KCNQ1: variants seen among roughly 807,000 people sequenced by gnomAD.
KCNQ1 encodes potassium voltage-gated channel subfamily Q member 1.
KCNQ1 carries 49 observed loss-of-function variants against 72.4 expected under a neutral mutation model. The observed-to-expected ratio is 0.68, with a 90% CI of 0.54 to 0.86. KCNQ1 has a LOEUF of 0.86. Ranked by LOEUF, KCNQ1 falls within the 40% of genes least tolerant of loss-of-function variation. The pLI is 0.00. For synonymous variants in KCNQ1, 450 were observed against 412.6 expected, an observed-to-expected ratio of 1.09 and a Z score of -1.10; for missense variants, 790 against 945.1, an observed-to-expected ratio of 0.84 and a Z score of 2.15.
intron 11 of KCNQ1, among the ~76,000 whole-genome samples, chr11:2,761,423 T>C (rs1345165423): frequency 1.3e-5 from 2 of 152,160 alleles, no homozygotes; most frequent in Non-Finnish European, 2.9e-5. Flanking sequence ...GAGATCTTTA[T>C]AGGCACGGGA....
rs1846746573 is a variant in KCNQ1, at chr11:2,486,813, C to G, written c.387-41115C>G. ...ATCTTGCATGAACTCATTACCTAAT[C>G]ATGGGGAATCTGCCCCTATGACCCA... On this transcript the variant is annotated intron_variant, in intron 1 of 15. Transcript: ENST00000155840. The surrounding 1 kb of genome is among the most constrained non-coding windows in gnomAD (Gnocchi z 5.0). 6.6e-6 allele frequency among the ~76,000 whole-genome samples: 1 copy of G among 152,162 alleles called. No homozygotes were observed.
intron 1 of KCNQ1, among the ~76,000 whole-genome samples, chr11:2,524,459 C>T (rs1847459447): frequency 6.6e-6 from 1 of 152,316 alleles, no homozygotes; most frequent in East Asian, 1.9e-4. Context: ...AGTGATGTCA[C>T]AGTCTGGCAG....
intron 11 of KCNQ1, among the ~76,000 whole-genome samples, chr11:2,749,284 A>T (rs540396010): frequency 2.6e-5 from 4 of 151,766 alleles, no homozygotes; most frequent in South Asian, 4.2e-4. Flanking sequence ...TGGGGTTGAG[A>T]TTGGGAGACC....
At chr11:2,680,206 TAAAAAA>T (rs139249507) in intron 11 of KCNQ1, 5 of 362,324 alleles carry the variant, frequency 1.4e-5, no homozygotes, top group African/African-American at 4.9e-5. Flanking sequence ...CTTGCCTAAT[TAAAAAA>T]AAAAAAAAAA....
At chr11:2,716,873 A>G (rs1851102026) in intron 11 of KCNQ1, among the ~76,000 whole-genome samples, 1 of 152,210 alleles carries the variant, frequency 6.6e-6, no homozygotes, top group African/African-American at 2.4e-5. Context: ...TGCATCCTGA[A>G]TACTGGGTGA....
At chr11:2,805,722 G>A (rs546391783) in intron 15 of KCNQ1, among the ~76,000 whole-genome samples, 37 of 152,308 alleles carry the variant, frequency 2.4e-4, no homozygotes, top group African/African-American at 8.4e-4. Flanking sequence ...GTGAAGAGAC[G>A]CAAGATGCAG....
chr11:2,845,249 G>T (rs998316286), intron 15 of KCNQ1, among the ~76,000 whole-genome samples: 46 of 152,238 alleles, frequency 3.0e-4, no homozygotes, highest in African/African-American at 1.1e-3. Context: ...CTCCCTACCT[G>T]ACACACTGTG....
Position 2,507,214 on chromosome 11 carries a change from TTGCTCTTG to T in KCNQ1, c.387-20710_387-20703del, listed in dbSNP as rs1446524313. ...ATTTAGCTCCTTGTCCGTTTGGAGTTTGCTCTTGTGCATGATCTAAGGTAATCTTTTCT... is the reference window on the plus strand; with the variant it reads ...ATTTAGCTCCTTGTCCGTTTGGAGTTTGCATGATCTAAGGTAATCTTTTCT... On this transcript the variant is annotated intron_variant, in intron 1 of 15. Transcript: ENST00000155840. The surrounding 1 kb of genome is among the most constrained non-coding windows in gnomAD (Gnocchi z 5.4). Among the ~76,000 whole-genome samples, 1 of 152,206 alleles carries T rather than the reference TTGCTCTTG, an allele frequency of 6.6e-6. No homozygotes were observed. The highest frequency in any genetic ancestry group is 1.9e-4 in the East Asian group (1 of 5,206).
intron 2 of KCNQ1, among the ~76,000 whole-genome samples, chr11:2,558,498 C>T (rs141973139): frequency 1.2e-3 from 179 of 152,320 alleles, no homozygotes; most frequent in Non-Finnish European, 1.9e-3. Flanking sequence ...ACTAGATGGG[C>T]CAGCCTGTGG....
rs1377402738 is a variant in KCNQ1 at position 2,716,087 on chromosome 11, G to T, written c.1515-52757G>T. Among the ~76,000 whole-genome samples the T allele has an allele frequency of 2.0e-5, 3 of 152,314 alleles. No individual in the cohort carries two copies. The South Asian group carries it at 6.2e-4, about 32-fold the overall frequency. On this transcript the variant is annotated intron_variant, in intron 11 of 15. Coordinates refer to ENST00000155840, the MANE Select transcript of KCNQ1 (RefSeq NM_000218.3). ...TGCAGAGCACTGACCCCACCGCCGG[G>T]GTCGGAGCCCCTATTCCTAGCCTCC...
chr11:2,536,718 T>C lies in KCNQ1; in HGVS notation c.477+8700T>C, dbSNP rs1847737489. Among the ~76,000 whole-genome samples the C allele has an allele frequency of 6.6e-6, 1 of 152,110 alleles. No homozygotes were observed. The highest frequency in any genetic ancestry group is 6.5e-5 in the Admixed American group (1 of 15,292). ...CCTGCCAGAGGGACCGCTGGGCCTATCTCCAGCCACGTGGGTCGCGAGAGT... is the reference window on the plus strand; with the variant it reads ...CCTGCCAGAGGGACCGCTGGGCCTACCTCCAGCCACGTGGGTCGCGAGAGT... On this transcript the variant is annotated intron_variant, in intron 2 of 15. Transcript: ENST00000155840. The surrounding 1 kb of genome is among the most constrained non-coding windows in gnomAD (Gnocchi z 7.4).
At chr11:2,469,382 T>C (rs1051404090) in intron 1 of KCNQ1, among the ~76,000 whole-genome samples, 1 of 152,098 alleles carries the variant, frequency 6.6e-6, no homozygotes, top group African/African-American at 2.4e-5. Flanking sequence ...CAAGTGATTC[T>C]CCTGCCTCAG....
intron 11 of KCNQ1, among the ~76,000 whole-genome samples, chr11:2,749,867 A>T (rs1846198310): frequency 1.3e-5 from 2 of 151,234 alleles, no homozygotes; most frequent in South Asian, 4.2e-4. Flanking sequence ...AATCCCAGCT[A>T]CTCAGGAGGC....
intron 10 of KCNQ1, chr11:2,633,453 T>A (rs534239741): frequency 2.5e-6 from 1 of 398,568 alleles, no homozygotes; most frequent in East Asian, 3.6e-5. Flanking sequence ...GCTAGACCCA[T>A]ATCCTGAAGG....
intron 11 of KCNQ1, among the ~76,000 whole-genome samples, chr11:2,749,960 CA>C (rs71029158): frequency 0.83 from 119,577 of 144,196 alleles, 49,496 homozygotes; most frequent in African/African-American, 0.91. Flanking sequence ...ACTCTGTCTC[CA>C]AAAAAAAAAA....
intron 2 of KCNQ1, among the ~76,000 whole-genome samples, chr11:2,532,957 C>T (rs1284410978): frequency 6.6e-6 from 1 of 152,158 alleles, no homozygotes; most frequent in East Asian, 1.9e-4. Context: ...CTGTAGACGC[C>T]AGAGGGCGCT....
In KCNQ1 at chr11:2,664,416, A is replaced by T; in HGVS notation, c.1514+2335A>T. ...CCTGAAGGGGAGAGTGGGCACGTAC[A>T]GTGTCAGGGCCTAGGAACCCAGGCT... is the stretch of plus-strand genomic sequence containing the variant. On this transcript the variant is annotated intron_variant, in intron 11 of 15. Transcript: ENST00000155840. The surrounding 1 kb of genome is among the most constrained non-coding windows in gnomAD (Gnocchi z 5.1). The T allele has an allele frequency of 2.5e-6, 1 of 398,658 alleles. No homozygotes were observed. Among genetic ancestry groups the T allele is most frequent in the Non-Finnish European group, 4.4e-6 (1 of 226,104 alleles). The allele number at this position is 398,658 out of a possible 1,614,324, so 24.7% of individuals were successfully genotyped here.
In KCNQ1 at chr11:2,446,500, G is replaced by A. The variant is rs1400555806; in HGVS notation, c.386+1016G>A. 1.3e-5 allele frequency among the ~76,000 whole-genome samples: 2 copies of A among 152,190 alleles called. No homozygotes were observed. The highest frequency in any genetic ancestry group is 1.9e-4 in the East Asian group (1 of 5,186). The stretch of plus-strand genomic sequence containing the variant: ...CCTCGGGCAGGCTCAGTAGAGAACT[G>A]GCTGGAGGGCATCCAGAGGCCTGTC... On this transcript the variant is annotated intron_variant, in intron 1 of 15. Transcript: ENST00000155840. The surrounding 1 kb of genome is among the most constrained non-coding windows in gnomAD (Gnocchi z 8.8).
At chr11:2,517,429 G>A (rs1416829420) in intron 1 of KCNQ1, among the ~76,000 whole-genome samples, 1 of 152,178 alleles carries the variant, frequency 6.6e-6, no homozygotes, top group Admixed American at 6.5e-5. Flanking sequence ...CCTGGGACGG[G>A]TTGGATTTGG....
Sources: allele counts gnomAD v4.1 joint callset (sites outside exome capture counted in the v4.1 genomes callset), GRCh38; gene constraint gnomAD v4.1.1; non-coding constraint Gnocchi (gnomAD v3.1); transcripts MANE v1.5; gene names NCBI Gene and HGNC (gene_info 2026-07-23, HGNC 2026-07-21).